The following EIF4E3 variants were observed in gnomAD, a reference collection of about 807,000 sequenced individuals.
EIF4E3 encodes the protein eukaryotic translation initiation factor 4E type 3.
In EIF4E3, 26 loss-of-function variants were observed where a neutral mutation model predicts 31.7. The ratio of observed to expected loss-of-function variants is 0.82; its 90% confidence interval spans 0.60 to 1.14. EIF4E3 has a LOEUF of 1.14. Among genes scored for constraint, EIF4E3 ranks in the 50% most tolerant of loss-of-function variants. The pLI, the probability that EIF4E3 is intolerant of heterozygous loss-of-function variation, is 0.00. For missense variants in EIF4E3, 304 were observed against 270.9 expected (o/e 1.12, Z -0.86); for synonymous variants, 128 against 107.7 (o/e 1.19, Z -1.17).
chr3:71,712,565 C>T (rs527240929), intron 1 of EIF4E3, among the ~76,000 whole-genome samples: 2 of 142,098 alleles, frequency 1.4e-5, no homozygotes, highest in Non-Finnish European at 3.0e-5. Flanking sequence ...TAAATACATT[C>T]CTGGATCCCC....
In EIF4E3 at chr3:71,747,782, G is replaced by C. The variant is rs570147298; in HGVS notation, c.-291+5681C>G. Among the ~76,000 whole-genome samples, 7 of 152,076 alleles carry C rather than the reference G, an allele frequency of 4.6e-5. No individual in the cohort carries two copies. The South Asian group carries it at 1.0e-3, about 23-fold the overall frequency. ...GAGTTTTAGGTCTATCATCAATTTTGAATTTTTTAAAATATATGGGGTGGG... is the reference window on the plus strand; with the variant it reads ...GAGTTTTAGGTCTATCATCAATTTTCAATTTTTTAAAATATATGGGGTGGG... On this transcript the variant is annotated intron_variant, in intron 1 of 7. Coordinates refer to the EIF4E3 transcript ENST00000295612.
rs4676842 is a variant in EIF4E3, at chr3:71,741,191, C to T, written c.-291+12272G>A. 9.7e-3 allele frequency among the ~76,000 whole-genome samples: 1,417 copies of T among 145,648 alleles called. 11 individuals carry two copies. Among genetic ancestry groups the T allele is most frequent in the Non-Finnish European group, 0.015 (1,021 of 66,824 alleles). On this transcript the variant is annotated intron_variant, in intron 1 of 7. Coordinates refer to the EIF4E3 transcript ENST00000295612. ...ACACATCCATGCACATGCACATGCA[C>T]GCGCACACACACACACACACACACA...
chr3:71,730,091 C>T (rs1179937342), upstream of EIF4E3, among the ~76,000 whole-genome samples: 1 of 152,076 alleles, frequency 6.6e-6, no homozygotes, highest in Non-Finnish European at 1.5e-5. Flanking sequence ...GGGCAGAGGC[C>T]CTCACTGAAG....
At chr3:71,704,678 T>C (rs1275017227) in intron 2 of EIF4E3, among the ~76,000 whole-genome samples, 2 of 152,228 alleles carry the variant, frequency 1.3e-5, no homozygotes, top group African/African-American at 2.4e-5. Context: ...GTGGTGGGCA[T>C]GGCCCAAGGT....
chr3:71,743,324 A>G (rs2049839229), intron 1 of EIF4E3, among the ~76,000 whole-genome samples: 1 of 152,216 alleles, frequency 6.6e-6, no homozygotes, highest in Non-Finnish European at 1.5e-5. Flanking sequence ...AAAATCAATT[A>G]TATTCTTTTT....
At chr3:71,740,415 C>A (rs908275041) in intron 1 of EIF4E3, among the ~76,000 whole-genome samples, 1 of 152,126 alleles carries the variant, frequency 6.6e-6, no homozygotes, top group African/African-American at 2.4e-5. Context: ...TTTCTTTCTG[C>A]ATGTAGTAGA....
intron 1 of EIF4E3, among the ~76,000 whole-genome samples, chr3:71,743,124 T>C (rs1449485110): frequency 6.6e-6 from 1 of 152,092 alleles, no homozygotes; most frequent in Non-Finnish European, 1.5e-5. Flanking sequence ...CTATTTAACA[T>C]TGTATTAAAG....
intron 5 of EIF4E3, 78 bp from the exon 6 acceptor site, chr3:71,690,243 T>G (rs1016516221): frequency 3.4e-5 from 49 of 1,431,034 alleles, no homozygotes; most frequent in Admixed American, 5.1e-5. Context: ...CTTAGTCTTT[T>G]TATCTGAAAA....
chr3:71,725,438 CCCCCGCCCCG>C (rs539914293), upstream of EIF4E3: 21 of 795,820 alleles, frequency 2.6e-5, no homozygotes, highest in African/African-American at 7.6e-5. This position sits in a 1 kb window ranked among gnomAD's most constrained non-coding sequence, Gnocchi z 6.1. Flanking sequence ...TCACCCCCGG[CCCCCGCCCCG>C]CCCCGCCCCG....
chr3:71,696,356 G>A lies in EIF4E3; in HGVS notation c.405+104C>T, dbSNP rs2049135549. ...ATTTCTCACCCCCAGCCTGTTTGGG[G>A]ACTGCCAGGTAAATAGGCTATCTGC... On this transcript the variant is annotated intron_variant, in intron 4 of 6. Transcript: ENST00000425534. 11 of 1,229,380 alleles carry A rather than the reference G, an allele frequency of 8.9e-6. No homozygotes were observed. The South Asian group carries it at 1.4e-4, about 16-fold the overall frequency. The allele number at this position is 1,229,380 out of a possible 1,614,324, so 76.2% of individuals were successfully genotyped here.
chr3:71,662,189 G>C, the EIF4E3 span, among the ~76,000 whole-genome samples: 4 of 152,180 alleles, frequency 2.6e-5, no homozygotes, highest in Admixed American at 2.0e-4. Context: ...AAGGTGGAGG[G>C]GAGAGTGTCT....
chr3:71,667,823 A>C, the EIF4E3 span, among the ~76,000 whole-genome samples: 1 of 152,332 alleles, frequency 6.6e-6, no homozygotes, highest in Non-Finnish European at 1.5e-5. Flanking sequence ...AAATGGCCAT[A>C]CTGCCCAAAG....
chr3:71,659,803 T>C, the EIF4E3 span, among the ~76,000 whole-genome samples: 1 of 152,210 alleles, frequency 6.6e-6, no homozygotes. Context: ...TACGAGATAG[T>C]CACCTGGGGG....
the EIF4E3 span, among the ~76,000 whole-genome samples, chr3:71,663,829 CCTAGT>C: frequency 6.6e-6 from 1 of 152,236 alleles, no homozygotes; most frequent in Non-Finnish European, 1.5e-5. Flanking sequence ...TCCGCCATCA[CCTAGT>C]CTAGTGTGAG....
At chr3:71,732,609 T>A (rs193095824) in intron 1 of EIF4E3, among the ~76,000 whole-genome samples, 48 of 152,356 alleles carry the variant, frequency 3.2e-4, no homozygotes, top group African/African-American at 1.1e-3. Context: ...ACTCTGCCAA[T>A]CACTGGCTTC....
chr3:71,725,060 C>G lies in EIF4E3; in HGVS notation c.176+132G>C, dbSNP rs2049610704. 2.9e-6 allele frequency: 2 copies of G among 691,984 alleles called. No homozygotes were observed. The highest frequency in any genetic ancestry group is 3.6e-6 in the Non-Finnish European group (2 of 557,756). The allele number at this position is 691,984 out of a possible 1,614,324, so 42.9% of individuals were successfully genotyped here. A position where few individuals can be genotyped will look rare whatever the true frequency, so the allele number is the denominator to read the frequency against. ...CGGGGCGAGTCCCGGGGTGCGCAGG[C>G]GGACGCGCGGAGGGGCCGAGGTCTG... On this transcript the variant is annotated intron_variant, in intron 1 of 6. Transcript: ENST00000425534. The surrounding 1 kb of genome is among the most constrained non-coding windows in gnomAD (Gnocchi z 6.1).
chr3:71,699,571 T>C, intron 3 of EIF4E3, 43 bp downstream of exon 3: 1 of 1,543,322 alleles, frequency 6.5e-7, no homozygotes, highest in Non-Finnish European at 8.9e-7. Flanking sequence ...TTCACAAACA[T>C]TTTCCTCCCA....
chr3:71,740,302 G>C (rs2049806701), intron 1 of EIF4E3, among the ~76,000 whole-genome samples: 1 of 152,122 alleles, frequency 6.6e-6, no homozygotes, highest in Non-Finnish European at 1.5e-5. Flanking sequence ...GCCATTATTT[G>C]GTTGAATATA....
At position 71,696,440 on chromosome 3, in the gene EIF4E3, G is replaced by C. The variant is rs1484429082; in HGVS notation, c.405+20C>G. 4 of 1,613,682 alleles carry C rather than the reference G, an allele frequency of 2.5e-6. No individual in the cohort carries two copies. The highest frequency in any genetic ancestry group is 3.4e-6 in the Non-Finnish European group (4 of 1,179,856). On this transcript the variant is annotated intron_variant, in intron 4 of 6. Coordinates refer to ENST00000425534, the MANE Select transcript of EIF4E3 (RefSeq NM_001134651.2). ...ACTCCAAGCCTCGCCGGTTCTAGAA[G>C]AGGATCAGTAGGAACCTACCGTGCT...
Sources: allele counts gnomAD v4.1 joint callset (sites outside exome capture counted in the v4.1 genomes callset), GRCh38; gene constraint gnomAD v4.1.1; non-coding constraint Gnocchi (gnomAD v3.1); transcripts MANE v1.5; gene names NCBI Gene and HGNC (gene_info 2026-07-23, HGNC 2026-07-21).